The following FANCM variants were observed in gnomAD, a reference collection of about 807,000 sequenced individuals.
The protein encoded by FANCM is Fanconi anemia group M protein.
FANCM carries 140 observed loss-of-function variants against 199.5 expected under a neutral mutation model. The ratio of observed to expected loss-of-function variants is 0.70; its 90% CI spans 0.61 to 0.81. The LOEUF (loss-of-function observed/expected upper bound fraction) is 0.81. Ranked by LOEUF, FANCM falls within the 30% of genes least tolerant of loss-of-function variation. FANCM has a pLI of 0.00. For synonymous variants in FANCM, 840 were observed against 836.8 expected, an observed-to-expected ratio of 1.00 and a Z score of -0.07; for missense variants, 2,410 against 2,421.4, an observed-to-expected ratio of 1.00 and a Z score of 0.10.
At chr14:45,186,742 C>G (rs1209974700) in intron 18 of FANCM, among the ~76,000 whole-genome samples, 1 of 152,128 alleles carries the variant, frequency 6.6e-6, no homozygotes, top group East Asian at 1.9e-4. Context: ...TGCAAAGGCC[C>G]CGAGTCAGTA....
In FANCM at chr14:45,136,012, C is replaced by T. The variant is rs940929950; in HGVS notation, c.-20C>T. The stretch of plus-strand genomic sequence containing the variant: ...GCTGCTACGGATATCTGACAGAAGC[C>T]TTCGGTGGTTGTCGGCCTAATGAGC... On this transcript the variant is annotated 5_prime_UTR_variant, in exon 1 of 23. Coordinates refer to ENST00000267430, the MANE Select transcript of FANCM (RefSeq NM_020937.4). 2 of 1,612,654 alleles carry T rather than the reference C, an allele frequency of 1.2e-6. No individual in the cohort carries two copies. The highest frequency in any genetic ancestry group is 1.3e-5 in the African/African-American group (1 of 74,904).
chr14:45,154,622 A>C, intron 6 of FANCM, 75 bp from the exon 7 acceptor site: 1 of 1,094,576 alleles, frequency 9.1e-7, no homozygotes. Context: ...CTAAAGTTTA[A>C]TTTCTTTTTA....
In FANCM at chr14:45,196,525, G is replaced by A; in HGVS notation, c.5694G>A (p.Val1898=). 1 of 1,613,854 alleles carries A rather than the reference G, an allele frequency of 6.2e-7. No individual in the cohort carries two copies. Reference sequence around the variant, plus strand: ...TGTTTGAAAGAATATGTGTGATTGTGGAAAAGGACAGAGAAAAAACAGGTT... The same window carrying A: ...TGTTTGAAAGAATATGTGTGATTGTAGAAAAGGACAGAGAAAAAACAGGTT... ...QSMFERICVI[V]EKDREKTGDT... The change falls in exon 21 of 23, where the codon GTG becomes GTA. Residue 1898 remains valine (V), a synonymous_variant. Coordinates refer to ENST00000267430, the MANE Select transcript of FANCM (RefSeq NM_020937.4).
chr14:45,167,308 G>A (rs1888054897), intron 11 of FANCM, 145 bp downstream of exon 11: 2 of 657,128 alleles, frequency 3.0e-6, no homozygotes, highest in East Asian at 2.8e-5. Flanking sequence ...AAGGCTGTAC[G>A]AGATTATTCA....
At chr14:45,138,826 A>G (rs1215423508) in intron 2 of FANCM, among the ~76,000 whole-genome samples, 1 of 152,174 alleles carries the variant, frequency 6.6e-6, no homozygotes, top group Admixed American at 6.5e-5. Flanking sequence ...TATTCCAGAT[A>G]TACATTCCAA....
chr14:45,170,771 T>C, intron 12 of FANCM, 25 bp downstream of exon 12: 2 of 1,594,994 alleles, frequency 1.3e-6, no homozygotes, highest in South Asian at 2.2e-5. Context: ...TTTTCAGATG[T>C]TCTTTTCCCC....
At chr14:45,182,528 T>C (rs993825652) in intron 16 of FANCM, among the ~76,000 whole-genome samples, 2 of 152,108 alleles carry the variant, frequency 1.3e-5, no homozygotes, top group Admixed American at 6.6e-5. Flanking sequence ...AGGTTTGAGT[T>C]TGAAGTTTCT....
intron 3 of FANCM, among the ~76,000 whole-genome samples, chr14:45,148,200 A>AAC (rs200351777): frequency 0.05 from 7,073 of 142,340 alleles, 178 homozygotes; most frequent in East Asian, 0.12. Context: ...CCGTCTCAAA[A>AAC]ACACACACAC....
Position 45,176,995 on chromosome 14 carries a change from A to G in FANCM, c.4222+19A>G, listed in dbSNP as rs1888754104. 1.4e-6 allele frequency: 2 copies of G among 1,434,996 alleles called. No individual in the cohort carries two copies. The highest frequency in any genetic ancestry group is 1.4e-5 in the African/African-American group (1 of 71,446). The allele number at this position is 1,434,996 out of a possible 1,614,324, so 88.9% of individuals were successfully genotyped here. ...GTTGAAGGTAAGATTCCATCTTTAT[A>G]AAGTCTATAACTCTTTCTAGAATAA... On this transcript the variant is annotated intron_variant, in intron 14 of 22. Transcript: ENST00000267430.
At chr14:45,151,665 C>A in intron 5 of FANCM, 137 bp downstream of exon 5, 1 of 792,602 alleles carries the variant, frequency 1.3e-6, no homozygotes, top group Non-Finnish European at 2.1e-6. Flanking sequence ...TGGCTGATGC[C>A]TGTAATCCTA....
chr14:45,156,012 G>T (rs1480423816), intron 8 of FANCM, among the ~76,000 whole-genome samples: 2 of 152,148 alleles, frequency 1.3e-5, no homozygotes, highest in African/African-American at 4.8e-5. Flanking sequence ...AAGGGAAGTG[G>T]AGAGTAAAAC....
At chr14:45,172,950 C>A in intron 12 of FANCM, 105 bp from the exon 13 acceptor site, 2 of 834,700 alleles carry the variant, frequency 2.4e-6, no homozygotes, top group East Asian at 2.6e-5. Context: ...CTAAATGGAT[C>A]CAAATTATGT....
rs149436983 is a variant in FANCM, at chr14:45,165,557, A to G, written c.1788+992A>G. ...AGCGAGACTCCATCTCCAGAAAGAAAAAAACAAACTGATTTTAAATATTTT... is the reference window on the plus strand; with the variant it reads ...AGCGAGACTCCATCTCCAGAAAGAAGAAAACAAACTGATTTTAAATATTTT... On this transcript the variant is annotated intron_variant, in intron 10 of 22. Transcript: ENST00000267430. 7.7e-4 allele frequency among the ~76,000 whole-genome samples: 118 copies of G among 152,332 alleles called. 2 individuals are homozygous for G. In the East Asian group the frequency reaches 0.021, roughly 27 times the overall value.
chr14:45,170,557 A>T, intron 11 of FANCM, 32 bp from the exon 12 acceptor site: 1 of 1,533,132 alleles, frequency 6.5e-7, no homozygotes, highest in Non-Finnish European at 9.0e-7. Context: ...ATTTTTAAAA[A>T]GTCTCTTTTC....
chr14:45,198,550 G>A lies in FANCM; in HGVS notation c.5717-94G>A, dbSNP rs1359508054. On this transcript the variant is annotated intron_variant, in intron 21 of 22. Transcript: ENST00000267430. ...ATGTGGCACCAGTTTGCTCAATGGT[G>A]TAGATCTTGGGATTTTAATAAAATA... 26 of 810,054 alleles carry A rather than the reference G, an allele frequency of 3.2e-5. 1 individual carries two copies. The South Asian group carries it at 4.6e-4, about 14-fold the overall frequency. 50.2% of individuals were successfully genotyped at this position (810,054 alleles called of 1,614,324 possible). A position where few individuals can be genotyped will look rare whatever the true frequency, so the allele number is the denominator to read the frequency against.
chr14:45,152,127 C>G (rs1886867398), intron 5 of FANCM, among the ~76,000 whole-genome samples: 1 of 151,188 alleles, frequency 6.6e-6, no homozygotes, highest in African/African-American at 2.4e-5. Flanking sequence ...CTCTCAGGTT[C>G]AAGCAAGTCT....
chr14:45,172,561 A>G (rs1468065912), intron 12 of FANCM, among the ~76,000 whole-genome samples: 4 of 152,194 alleles, frequency 2.6e-5, no homozygotes, highest in African/African-American at 9.7e-5. Flanking sequence ...AGTTGGCTGT[A>G]AACATAAATT....
rs764033368 is a variant in FANCM, at chr14:45,159,208, T to A, written c.1509T>A (p.Ile503=). 1 of 1,613,916 alleles carries A rather than the reference T, an allele frequency of 6.2e-7. No homozygotes were observed. The highest frequency in any genetic ancestry group is 1.7e-5 in the Admixed American group (1 of 60,018). ...TGCTTTCACAGCATCAGCCAATTAT[T>A]AGAGTAATGACTTTTGTCGGCCATG... The part of the protein sequence containing the change: ...AEMLSQHQPI[I]RVMTFVGHAS... The change falls in exon 9 of 23, where the codon ATT becomes ATA. Residue 503 remains isoleucine (I), a synonymous_variant. Transcript: ENST00000267430.
rs185431487 is a variant in FANCM at position 45,179,541 on chromosome 14, G to T, written c.4223-1889G>T. Among the ~76,000 whole-genome samples the T allele has an allele frequency of 1.1e-4, 16 of 149,418 alleles. 1 individual carries two copies. Among genetic ancestry groups the T allele is most frequent in the African/African-American group, 3.9e-4 (16 of 40,694 alleles). ...AGCTAGATCACCTCTCATAGATTAG[G>T]TACATCATTTTCTTTCTTTCTTTTT... On this transcript the variant is annotated intron_variant, in intron 14 of 22. Transcript: ENST00000267430.
Sources: gnomAD v4.1 joint callset for allele counts (sites outside exome capture counted in the v4.1 genomes callset) on GRCh38, gnomAD v4.1.1 for gene constraint, MANE v1.5 for transcripts, NCBI Gene and HGNC (gene_info 2026-07-23, HGNC 2026-07-21) for gene names.